GRIA1: variants seen among roughly 807,000 people sequenced by gnomAD.
The protein encoded by GRIA1 is glutamate receptor 1.
In GRIA1, 31 loss-of-function variants were observed where a neutral mutation model predicts 99.2. The ratio of observed to expected loss-of-function variants is 0.31; its 90% CI spans 0.23 to 0.42. The LOEUF (loss-of-function observed/expected upper bound fraction) is 0.42. Among genes scored for constraint, GRIA1 ranks in the 10% least tolerant of loss-of-function variants. GRIA1 has a pLI of 1.00. For missense variants in GRIA1, 782 were observed against 1,157.5 expected (o/e 0.68, Z 4.71); for synonymous variants, 438 against 432.4 (o/e 1.01, Z -0.16).
At chr5:153,727,205 T>C (rs2149551167) in intron 11 of GRIA1, among the ~76,000 whole-genome samples, 1 of 152,274 alleles carries the variant, frequency 6.6e-6, no homozygotes, top group African/African-American at 2.4e-5. Flanking sequence ...CTAAAAACTA[T>C]CAATAAATTA....
At chr5:153,796,120 G>C (rs1480105084) in intron 14 of GRIA1, among the ~76,000 whole-genome samples, 1 of 150,952 alleles carries the variant, frequency 6.6e-6, no homozygotes, top group African/African-American at 2.4e-5. Context: ...CATTGAATTG[G>C]CCTCCAAGCA....
At chr5:153,699,619 T>A (rs1027442783) in intron 10 of GRIA1, among the ~76,000 whole-genome samples, 4 of 152,172 alleles carry the variant, frequency 2.6e-5, no homozygotes, top group Non-Finnish European at 5.9e-5. Flanking sequence ...TTTCTTTCTT[T>A]CTTCTCATAA....
At chr5:153,617,465 T>A (rs1413239270) in intron 2 of GRIA1, among the ~76,000 whole-genome samples, 1 of 152,222 alleles carries the variant, frequency 6.6e-6, no homozygotes, top group African/African-American at 2.4e-5. Flanking sequence ...CTTGTTTATC[T>A]GGAAACATGG....
chr5:153,654,728 A>G (rs1409061497), intron 4 of GRIA1, among the ~76,000 whole-genome samples: 2 of 152,178 alleles, frequency 1.3e-5, no homozygotes, highest in African/African-American at 2.4e-5. Context: ...TCAGTTAGAG[A>G]AGAAGCCCAA....
At chr5:153,632,286 T>A (rs1467475739) in intron 2 of GRIA1, among the ~76,000 whole-genome samples, 4 of 152,240 alleles carry the variant, frequency 2.6e-5, no homozygotes, top group Non-Finnish European at 2.9e-5. Context: ...AATGGAGATG[T>A]AAAGTGGGCA....
intron 11 of GRIA1, among the ~76,000 whole-genome samples, chr5:153,738,332 G>A (rs1235743585): frequency 6.7e-6 from 1 of 149,598 alleles, no homozygotes. Flanking sequence ...GGAGACAAGA[G>A]TAGGGAAAGG....
intron 2 of GRIA1, among the ~76,000 whole-genome samples, chr5:153,511,628 TAATCCTGTTTTACATATGGTGAAA>T (rs1756084526): frequency 6.6e-6 from 1 of 152,234 alleles, no homozygotes; most frequent in Non-Finnish European, 1.5e-5. Flanking sequence ...TTGTGATGTT[TAATCCTGTTTTACATATGGTGAAA>T]CTAAGGCTGA....
intron 12 of GRIA1, among the ~76,000 whole-genome samples, chr5:153,769,632 T>C (rs1287808825): frequency 6.6e-6 from 1 of 151,802 alleles, no homozygotes; most frequent in Non-Finnish European, 1.5e-5. Flanking sequence ...CAACAATATA[T>C]TTGATTGGTG....
intron 2 of GRIA1, among the ~76,000 whole-genome samples, chr5:153,569,503 G>C (rs1431482913): frequency 6.6e-6 from 1 of 152,350 alleles, no homozygotes; most frequent in East Asian, 1.9e-4. Context: ...ATCCCTCCCT[G>C]CTGCTGAGCA....
intron 2 of GRIA1, chr5:153,525,596 G>T (rs1266890533): frequency 1.3e-5 from 2 of 151,284 alleles, no homozygotes; most frequent in African/African-American, 4.9e-5. Flanking sequence ...CTATTTCATT[G>T]TGTGGAACCT....
chr5:153,572,388 C>A (rs534159566), intron 2 of GRIA1, among the ~76,000 whole-genome samples: 2 of 152,102 alleles, frequency 1.3e-5, no homozygotes, highest in African/African-American at 4.8e-5. Flanking sequence ...GAGTGGCAAG[C>A]GGGAGGCACA....
chr5:153,723,337 C>T (rs906755065), intron 11 of GRIA1, among the ~76,000 whole-genome samples: 2 of 152,196 alleles, frequency 1.3e-5, no homozygotes, highest in Non-Finnish European at 1.5e-5. Context: ...GTGATTTCTG[C>T]ATTTCCATCT....
chr5:153,684,725 C>T (rs1757226216), intron 7 of GRIA1, among the ~76,000 whole-genome samples: 1 of 152,200 alleles, frequency 6.6e-6, no homozygotes, highest in Non-Finnish European at 1.5e-5. Context: ...TGCTGATGGA[C>T]TGGAATTGCT....
chr5:153,634,384 C>T (rs1753202217), intron 2 of GRIA1, among the ~76,000 whole-genome samples: 1 of 150,600 alleles, frequency 6.6e-6, no homozygotes, highest in South Asian at 2.1e-4. Context: ...GAAGAGAGAA[C>T]ATTTTAAGCT....
In GRIA1 at chr5:153,811,046, C is replaced by T. The variant is rs1766778959; in HGVS notation, c.2542C>T (p.Gln848Ter). The T allele has an allele frequency of 5.0e-6, 8 of 1,614,074 alleles. 1 individual carries two copies. The East Asian group carries it at 1.8e-4, about 36-fold the overall frequency. ...AAAGGGTTTTTGTTTGATCCCACAG[C>T]AATCCATCAACGAAGCCATACGGAC... The part of the protein sequence containing the change: ...RMKGFCLIPQ[Q>*]SINEAIRTST... Residue 848 changes from glutamine (Q) to a stop codon, truncating the protein, a stop_gained, in exon 16 of 16, where the codon CAA becomes TAA. Coordinates refer to ENST00000285900, the MANE Select transcript of GRIA1 (RefSeq NM_000827.4). LOFTEE classifies it high-confidence loss of function.
At chr5:153,491,072 T>G in intron 1 of GRIA1, 102 bp downstream of exon 1, 3 of 1,212,488 alleles carry the variant, frequency 2.5e-6, no homozygotes, top group Non-Finnish European at 3.7e-6. Flanking sequence ...ACTGTTTTGC[T>G]TGGCTCCCTA....
At chr5:153,606,271 T>C (rs1014254569) in intron 2 of GRIA1, among the ~76,000 whole-genome samples, 1 of 152,154 alleles carries the variant, frequency 6.6e-6, no homozygotes, top group Non-Finnish European at 1.5e-5. Flanking sequence ...TTCTGGTCTT[T>C]CTTTTCTGTT....
intron 2 of GRIA1, among the ~76,000 whole-genome samples, chr5:153,601,297 C>T (rs186382460): frequency 6.6e-6 from 1 of 152,162 alleles, no homozygotes; most frequent in African/African-American, 2.4e-5. Flanking sequence ...ATATTTAAAC[C>T]AAGTCTGTCT....
At chr5:153,808,300 G>C (rs2149680390) in intron 15 of GRIA1, among the ~76,000 whole-genome samples, 1 of 152,028 alleles carries the variant, frequency 6.6e-6, no homozygotes, top group East Asian at 1.9e-4. Flanking sequence ...AGAATGGCTG[G>C]CATGTCAAGG....
Sources: gnomAD v4.1 joint callset for allele counts (sites outside exome capture counted in the v4.1 genomes callset) on GRCh38, gnomAD v4.1.1 for gene constraint, MANE v1.5 for transcripts, NCBI Gene and HGNC (gene_info 2026-07-23, HGNC 2026-07-21) for gene names.